The following FLT1 variants were observed in gnomAD, a reference collection of about 807,000 sequenced individuals.
FLT1 encodes the protein vascular endothelial growth factor receptor 1.
Under a neutral mutation model 156.3 loss-of-function variants are expected in FLT1, and 49 were observed. The observed-to-expected ratio is 0.31, with a 90% CI of 0.25 to 0.40. FLT1 has a LOEUF of 0.40. Among genes scored for constraint, FLT1 ranks in the 10% least tolerant of loss-of-function variants. The probability of loss-of-function intolerance (pLI) is 1.00; values close to 1 mark genes in which losing one functional copy is unlikely to be tolerated. For missense variants in FLT1, 1,322 were observed against 1,637.2 expected, an observed-to-expected ratio of 0.81 and a Z score of 3.32; for synonymous variants, 594 against 583.8, an observed-to-expected ratio of 1.02 and a Z score of -0.25.
At chr13:28,338,076 C>T (rs942574585) in intron 17 of FLT1, among the ~76,000 whole-genome samples, 11 of 152,286 alleles carry the variant, frequency 7.2e-5, no homozygotes, top group African/African-American at 2.6e-4. Context: ...CAGCTTTTAA[C>T]TGATTTCCAA....
chr13:28,488,414 G>T (rs898662829), intron 1 of FLT1, among the ~76,000 whole-genome samples: 1 of 151,960 alleles, frequency 6.6e-6, no homozygotes, highest in Admixed American at 6.6e-5. Flanking sequence ...AAAAGGAAAT[G>T]GACCCTGACA....
intron 15 of FLT1, among the ~76,000 whole-genome samples, chr13:28,352,301 G>C (rs905503155): frequency 6.6e-6 from 1 of 152,150 alleles, no homozygotes; most frequent in African/African-American, 2.4e-5. Context: ...TGCAAAACTT[G>C]AGTAGGATTA....
At chr13:28,355,110 A>G (rs898782796) in intron 15 of FLT1, among the ~76,000 whole-genome samples, 1 of 152,218 alleles carries the variant, frequency 6.6e-6, no homozygotes, top group Non-Finnish European at 1.5e-5. Flanking sequence ...GTCCTTGCAG[A>G]CAACTTCCTA....
rs1185102250 is a variant in FLT1 at position 28,393,678 on chromosome 13, C to T, written c.1660+3282G>A. Among the ~76,000 whole-genome samples, 4 of 152,114 alleles carry T rather than the reference C, an allele frequency of 2.6e-5. No homozygotes were observed. In the East Asian group the frequency reaches 5.8e-4, roughly 22 times the overall value. On this transcript the variant is annotated intron_variant, in intron 12 of 29. Transcript: ENST00000282397. ...CATGGCTCACTGCAGCCTCGACCTC[C>T]TGGGCTCAAGTGATCTTCCCACCTC...
At chr13:28,424,693 C>T (rs1877240053) in intron 10 of FLT1, among the ~76,000 whole-genome samples, 1 of 152,176 alleles carries the variant, frequency 6.6e-6, no homozygotes, top group Non-Finnish European at 1.5e-5. Context: ...CATAGATACG[C>T]CCTTTCACTA....
chr13:28,414,523 A>G (rs1876529280), intron 10 of FLT1, among the ~76,000 whole-genome samples: 1 of 152,260 alleles, frequency 6.6e-6, no homozygotes, highest in Non-Finnish European at 1.5e-5. Context: ...ACATCAGCAA[A>G]TATTAGGGTG....
chr13:28,386,326 C>T (rs567220280), intron 13 of FLT1: 21 of 1,018,168 alleles, frequency 2.1e-5, no homozygotes, highest in Non-Finnish European at 2.3e-5. Flanking sequence ...TATATTATCA[C>T]ATAAATTTTA....
At chr13:28,378,708 G>A (rs1046302882) in intron 14 of FLT1, among the ~76,000 whole-genome samples, 1 of 152,182 alleles carries the variant, frequency 6.6e-6, no homozygotes, top group African/African-American at 2.4e-5. Context: ...CATTAGGTAA[G>A]TTCTAAAGCA....
At chr13:28,391,963 G>T (rs1219867629) in intron 12 of FLT1, among the ~76,000 whole-genome samples, 1 of 152,170 alleles carries the variant, frequency 6.6e-6, no homozygotes, top group Non-Finnish European at 1.5e-5. Context: ...CTTACAAAGT[G>T]CTTTGAAGAT....
At chr13:28,444,529 G>A (rs891384089) in intron 3 of FLT1, among the ~76,000 whole-genome samples, 33 of 152,076 alleles carry the variant, frequency 2.2e-4, no homozygotes, top group Non-Finnish European at 2.2e-4. Flanking sequence ...TATACCCAAC[G>A]ACATCTATAG....
intron 3 of FLT1, among the ~76,000 whole-genome samples, chr13:28,446,125 C>T (rs530528434): frequency 6.6e-6 from 1 of 152,258 alleles, no homozygotes; most frequent in South Asian, 2.1e-4. Flanking sequence ...GATGAAAACA[C>T]TCAGGAAAAT....
chr13:28,415,718 T>C (rs944116299), intron 10 of FLT1, among the ~76,000 whole-genome samples: 3 of 152,202 alleles, frequency 2.0e-5, no homozygotes, highest in Non-Finnish European at 4.4e-5. Flanking sequence ...TACTATAGGC[T>C]GAACAAGACT....
chr13:28,378,346 C>T (rs1041091581), intron 14 of FLT1, among the ~76,000 whole-genome samples: 1 of 152,098 alleles, frequency 6.6e-6, no homozygotes, highest in African/African-American at 2.4e-5. Context: ...CGTGCCTGAC[C>T]GAGACTTAAT....
In FLT1 at chr13:28,415,124, G is replaced by A. The variant is rs553478796; in HGVS notation, c.1437-9230C>T. On this transcript the variant is annotated intron_variant, in intron 10 of 29. Coordinates refer to ENST00000282397, the MANE Select transcript of FLT1 (RefSeq NM_002019.4). ...TCTAATGGCAAATAGGAAACTGACTGGCAATGGCCTCCTCTTCTTGCCTAT... is the reference window on the plus strand; with the variant it reads ...TCTAATGGCAAATAGGAAACTGACTAGCAATGGCCTCCTCTTCTTGCCTAT... Among the ~76,000 whole-genome samples the A allele has an allele frequency of 2.0e-5, 3 of 152,290 alleles. No homozygotes were observed. The South Asian group carries it at 6.2e-4, about 32-fold the overall frequency.
At chr13:28,485,621 T>C (rs1018206889) in intron 1 of FLT1, among the ~76,000 whole-genome samples, 1 of 152,192 alleles carries the variant, frequency 6.6e-6, no homozygotes, top group African/African-American at 2.4e-5. Flanking sequence ...CACAATGGTG[T>C]GGTCCATTGT....
chr13:28,312,790 A>T (rs9554320), intron 25 of FLT1, among the ~76,000 whole-genome samples: 2 of 151,804 alleles, frequency 1.3e-5, no homozygotes, highest in East Asian at 2.0e-4. Flanking sequence ...ATTCTCCCCC[A>T]GCACTGCAAA....
chr13:28,368,703 C>CTTTTTTTT, intron 14 of FLT1: 1 of 565,804 alleles, frequency 1.8e-6, no homozygotes, highest in Non-Finnish European at 3.1e-6. Context: ...AGATTGGCAG[C>CTTTTTTTT]TTTTTTTTTT....
intron 1 of FLT1, among the ~76,000 whole-genome samples, chr13:28,472,055 C>G (rs1362889118): frequency 1.3e-5 from 2 of 152,160 alleles, no homozygotes; most frequent in African/African-American, 2.4e-5. Context: ...TTGATCTTAT[C>G]TGAGTCTTTT....
chr13:28,461,962 A>G (rs1326507879), intron 3 of FLT1, among the ~76,000 whole-genome samples: 1 of 152,236 alleles, frequency 6.6e-6, no homozygotes, highest in Admixed American at 6.5e-5. Flanking sequence ...ATAATCAAGT[A>G]AAGAGAAACA....
Sources: gnomAD v4.1 joint callset for allele counts (sites outside exome capture counted in the v4.1 genomes callset) on GRCh38, gnomAD v4.1.1 for gene constraint, MANE v1.5 for transcripts, NCBI Gene and HGNC (gene_info 2026-07-23, HGNC 2026-07-21) for gene names.